Variants in BMERB1 observed in about 807,000 individuals in gnomAD.
The protein encoded by BMERB1 is bMERB domain containing 1, also known as bMERB domain-containing protein 1.
In BMERB1, 12 loss-of-function variants were observed where a neutral mutation model predicts 23.6. The observed-to-expected ratio is 0.51, with a 90% CI of 0.33 to 0.82. The LOEUF is 0.82. Ranked by LOEUF, BMERB1 falls within the 40% of genes least tolerant of loss-of-function variation. BMERB1 has a pLI of 0.03. For synonymous variants in BMERB1, 122 were observed against 96.6 expected (o/e 1.26, Z -1.54); for missense variants, 247 against 255.4 (o/e 0.97, Z 0.22).
chr16:15,554,562 G>C (rs949841206), intron 2 of BMERB1, among the ~76,000 whole-genome samples: 2 of 151,900 alleles, frequency 1.3e-5, no homozygotes, highest in Non-Finnish European at 2.9e-5. Flanking sequence ...TACTTGGGAG[G>C]CTGAAGCAGG....
intron 1 of BMERB1, among the ~76,000 whole-genome samples, chr16:15,493,568 ATGCTTCCAGATT>A (rs947341647): frequency 1.6e-4 from 24 of 151,958 alleles, no homozygotes; most frequent in African/African-American, 5.6e-4. Context: ...TCCGACATGA[ATGCTTCCAGATT>A]TGCTTCCTTC....
chr16:15,454,803 A>AT (rs1384426363), intron 1 of BMERB1, among the ~76,000 whole-genome samples: 1 of 151,434 alleles, frequency 6.6e-6, no homozygotes, highest in African/African-American at 2.4e-5. Flanking sequence ...AAAAAAAAAA[A>AT]AGATTGCTGT....
intron 1 of BMERB1, among the ~76,000 whole-genome samples, chr16:15,459,797 C>G (rs1202939733): frequency 6.6e-6 from 1 of 152,140 alleles, no homozygotes; most frequent in Middle Eastern, 3.2e-3. Context: ...GAAAAGAAAT[C>G]ACAGTAGCAC....
chr16:15,533,416 GAT>G (rs1214941578), intron 2 of BMERB1, among the ~76,000 whole-genome samples: 2 of 149,046 alleles, frequency 1.3e-5, no homozygotes, highest in Non-Finnish European at 3.0e-5. Flanking sequence ...TTTTTCCTGA[GAT>G]AGAGTCTATT....
At chr16:15,452,292 A>AG (rs2051048735) in intron 1 of BMERB1, among the ~76,000 whole-genome samples, 2 of 140,786 alleles carry the variant, frequency 1.4e-5, no homozygotes, top group Non-Finnish European at 3.1e-5. Flanking sequence ...TAAAAAAAAA[A>AG]AAAGAAAAGA....
intron 2 of BMERB1, among the ~76,000 whole-genome samples, chr16:15,530,159 A>T (rs1409261697): frequency 6.6e-6 from 1 of 152,122 alleles, no homozygotes; most frequent in Non-Finnish European, 1.5e-5. Flanking sequence ...TTCTGTGTCA[A>T]ATCCCTCTGT....
At chr16:15,581,098 G>C in intron 3 of BMERB1, 119 bp from the exon 4 acceptor site, 1 of 656,034 alleles carries the variant, frequency 1.5e-6, no homozygotes, top group Non-Finnish European at 2.6e-6. Context: ...ATTTTTGGTA[G>C]AGATGGGGTT....
chr16:15,546,471 A>G (rs1456028885), intron 2 of BMERB1, among the ~76,000 whole-genome samples: 2 of 152,168 alleles, frequency 1.3e-5, no homozygotes, highest in African/African-American at 4.8e-5. Context: ...TGGGCTGCTT[A>G]TTCTAGTGAC....
At chr16:15,508,034 TG>T (rs1225734534) in intron 1 of BMERB1, among the ~76,000 whole-genome samples, 1 of 152,218 alleles carries the variant, frequency 6.6e-6, no homozygotes, top group African/African-American at 2.4e-5. Flanking sequence ...TACATGAATA[TG>T]GTTGATTACA....
chr16:15,575,008 G>C (rs2030822494), intron 3 of BMERB1, among the ~76,000 whole-genome samples: 1 of 152,176 alleles, frequency 6.6e-6, no homozygotes, highest in Non-Finnish European at 1.5e-5. Context: ...GAACTCGGGA[G>C]AGGGGGGTTG....
intron 1 of BMERB1, among the ~76,000 whole-genome samples, chr16:15,506,398 A>C (rs540808035): frequency 6.6e-6 from 1 of 152,036 alleles, no homozygotes; most frequent in African/African-American, 2.4e-5. Flanking sequence ...GATGGTCTCT[A>C]TCTGACCTTG....
intron 1 of BMERB1, among the ~76,000 whole-genome samples, chr16:15,482,581 C>T (rs2051330833): frequency 6.6e-6 from 1 of 152,056 alleles, no homozygotes; most frequent in Non-Finnish European, 1.5e-5. Flanking sequence ...ACTCGACAAT[C>T]CAAGGGCACC....
intron 1 of BMERB1, among the ~76,000 whole-genome samples, chr16:15,465,955 A>T (rs1272908267): frequency 6.6e-6 from 1 of 152,228 alleles, no homozygotes; most frequent in Non-Finnish European, 1.5e-5. Context: ...TATTTCTAAT[A>T]GGTGAATATA....
chr16:15,476,703 G>A (rs1240196406), intron 1 of BMERB1, among the ~76,000 whole-genome samples: 2 of 152,224 alleles, frequency 1.3e-5, no homozygotes, highest in African/African-American at 4.8e-5. Context: ...AGCTCATTAA[G>A]TCTGCTGAAG....
intron 1 of BMERB1, among the ~76,000 whole-genome samples, chr16:15,440,408 A>AC (rs2050930169): frequency 6.6e-6 from 1 of 152,102 alleles, no homozygotes; most frequent in Non-Finnish European, 1.5e-5. Context: ...GTACTGACTA[A>AC]CAAGCAGATC....
At chr16:15,435,140 G>A (rs2150918415) in intron 1 of BMERB1, among the ~76,000 whole-genome samples, 1 of 152,364 alleles carries the variant, frequency 6.6e-6, no homozygotes, top group African/African-American at 2.4e-5. Flanking sequence ...ACGCGGGACC[G>A]TCCTGGAAAG....
chr16:15,485,698 T>A (rs968276542), intron 1 of BMERB1, among the ~76,000 whole-genome samples: 4 of 151,452 alleles, frequency 2.6e-5, no homozygotes, highest in Non-Finnish European at 5.9e-5. Flanking sequence ...ATTTGTGGGT[T>A]TTTTCCCCCC....
chr16:15,517,118 A>G (rs1476968551), intron 2 of BMERB1, among the ~76,000 whole-genome samples: 2 of 152,236 alleles, frequency 1.3e-5, no homozygotes, highest in Non-Finnish European at 2.9e-5. Context: ...GAACATTTCC[A>G]CTTCATGGCT....
At chr16:15,447,007 G>T (rs1007937936) in intron 1 of BMERB1, among the ~76,000 whole-genome samples, 12 of 152,180 alleles carry the variant, frequency 7.9e-5, no homozygotes, top group African/African-American at 2.9e-4. Context: ...GGCAGCAGGA[G>T]CTCTGCCTGC....
Sources: allele counts gnomAD v4.1 joint callset (sites outside exome capture counted in the v4.1 genomes callset), GRCh38; gene constraint gnomAD v4.1.1; transcripts MANE v1.5; gene names NCBI Gene and HGNC (gene_info 2026-07-23, HGNC 2026-07-21).